ATXN1: variants seen among roughly 807,000 people sequenced by gnomAD.
The protein encoded by ATXN1 is ataxin 1.
Under a neutral mutation model 56.4 loss-of-function variants are expected in ATXN1, and 8 were observed. The ratio of observed to expected loss-of-function variants is 0.14; its 90% CI spans 0.08 to 0.26. The LOEUF is 0.26. ATXN1 is among the 10% of genes least tolerant of loss of function. The pLI, the probability that ATXN1 is intolerant of heterozygous loss-of-function variation, is 1.00. For missense variants in ATXN1, 987 were observed against 1,106.5 expected, an observed-to-expected ratio of 0.89 and a Z score of 1.53; for synonymous variants, 514 against 494.6, an observed-to-expected ratio of 1.04 and a Z score of -0.52.
chr6:16,614,986 A>G (rs1216241711), intron 3 of ATXN1: 1 of 151,228 alleles, frequency 6.6e-6, no homozygotes, highest in Non-Finnish European at 1.5e-5. Context: ...TTCTAGAAAC[A>G]TTAAAATGCT....
intron 2 of ATXN1, among the ~76,000 whole-genome samples, chr6:16,713,684 G>A (rs1759573335): frequency 6.6e-6 from 1 of 152,190 alleles, no homozygotes; most frequent in African/African-American, 2.4e-5. Context: ...CTTAAAGTGT[G>A]GTCCTGGGGC....
intron 3 of ATXN1, among the ~76,000 whole-genome samples, chr6:16,613,793 C>T (rs984576623): frequency 4.6e-5 from 7 of 152,138 alleles, no homozygotes; most frequent in Non-Finnish European, 5.9e-5. Flanking sequence ...TGCACCACTG[C>T]ACTCCAGCCT....
rs535515085 is a variant in ATXN1 at position 16,657,085 on chromosome 6, G to A, written c.-489+691C>T. Among the ~76,000 whole-genome samples the A allele has an allele frequency of 5.8e-5, 5 of 86,062 alleles. No homozygotes were observed. The South Asian group carries it at 1.1e-3, about 18-fold the overall frequency. The allele number at this position is 86,062 out of a possible 152,430, so 56.5% of individuals were successfully genotyped here. A position where few individuals can be genotyped will look rare whatever the true frequency, so the allele number is the denominator to read the frequency against. Reference sequence around the variant, plus strand: ...TGCAAGCTCTGCCTCCCAGGTTCACGCCATTCTGCTGCCTCAGCCTCCCAA... The same window carrying A: ...TGCAAGCTCTGCCTCCCAGGTTCACACCATTCTGCTGCCTCAGCCTCCCAA... On this transcript the variant is annotated intron_variant, in intron 3 of 7. Transcript: ENST00000436367.
intron 6 of ATXN1, among the ~76,000 whole-genome samples, chr6:16,417,779 GA>G (rs1248714318): frequency 1.3e-5 from 2 of 151,832 alleles, no homozygotes; most frequent in African/African-American, 4.8e-5. Context: ...CTCAGCATAC[GA>G]ACACTGTATC....
chr6:16,584,221 G>A (rs1245190353), intron 4 of ATXN1, among the ~76,000 whole-genome samples: 6 of 37,302 alleles, frequency 1.6e-4, no homozygotes, highest in Non-Finnish European at 3.6e-4. Flanking sequence ...CCCGATATTG[G>A]ACATATATAT....
chr6:16,312,317 C>G (rs77385838), intron 7 of ATXN1, among the ~76,000 whole-genome samples: 3,351 of 152,166 alleles, frequency 0.022, 103 homozygotes, highest in African/African-American at 0.074. Context: ...CTCAAAACTC[C>G]AAAGACACCA....
intron 2 of ATXN1, among the ~76,000 whole-genome samples, chr6:16,748,282 A>G (rs1349475000): frequency 6.6e-6 from 1 of 152,166 alleles, no homozygotes; most frequent in African/African-American, 2.4e-5. Flanking sequence ...GCAGGCATCA[A>G]AAGAGAAGGC....
At chr6:16,500,738 TA>T (rs1167731131) in intron 5 of ATXN1, among the ~76,000 whole-genome samples, 5,427 of 84,572 alleles carry the variant, frequency 0.064, 140 homozygotes, top group African/African-American at 0.16. Context: ...TTCATTATGA[TA>T]AAAAAAAAAA....
intron 3 of ATXN1, among the ~76,000 whole-genome samples, chr6:16,596,465 G>A (rs1374501755): frequency 6.6e-6 from 1 of 152,124 alleles, no homozygotes. Context: ...GGAGCCCTTT[G>A]TAATGCTGAT....
At chr6:16,525,478 C>A (rs57349714) in intron 4 of ATXN1, among the ~76,000 whole-genome samples, 48,595 of 151,734 alleles carry the variant, frequency 0.32, 7,811 homozygotes, top group Admixed American at 0.35. Flanking sequence ...ATCAAACCTA[C>A]TGAACTCATG....
intron 6 of ATXN1, among the ~76,000 whole-genome samples, chr6:16,342,120 C>T (rs1019378980): frequency 2.6e-5 from 4 of 151,146 alleles, no homozygotes; most frequent in African/African-American, 7.3e-5. Context: ...CTGACCTGAG[C>T]GATCCACCTA....
At chr6:16,476,185 C>G (rs1760323345) in intron 6 of ATXN1, among the ~76,000 whole-genome samples, 1 of 152,136 alleles carries the variant, frequency 6.6e-6, no homozygotes, top group Non-Finnish European at 1.5e-5. Flanking sequence ...TGATTAACGC[C>G]TACCCCTGTG....
chr6:16,530,459 C>T (rs1581824888), intron 4 of ATXN1, among the ~76,000 whole-genome samples: 1 of 152,310 alleles, frequency 6.6e-6, no homozygotes, highest in East Asian at 1.9e-4. Flanking sequence ...GTTAAGGGTT[C>T]ATTTTCCTTT....
chr6:16,482,470 T>C (rs1760458744), intron 6 of ATXN1, among the ~76,000 whole-genome samples: 1 of 152,140 alleles, frequency 6.6e-6, no homozygotes, highest in Non-Finnish European at 1.5e-5. Context: ...GGATGCTATT[T>C]TATGTAGATC....
chr6:16,326,742 G>A lies in ATXN1; in HGVS notation c.1569C>T (p.Val523=), dbSNP rs770441021. Residue 523 remains valine (V), a synonymous_variant, in exon 7 of 8, where the codon GTC becomes GTT. Transcript: ENST00000436367. The surrounding 1 kb of genome is among the most constrained non-coding windows in gnomAD (Gnocchi z 6.6). Reference sequence around the variant, plus strand: ...TCTCGCTCTTGGGAAGGGCGGTGGTGACGAACGTGTGAGGCACTGCAGCAA... The same window carrying A: ...TCTCGCTCTTGGGAAGGGCGGTGGTAACGAACGTGTGAGGCACTGCAGCAA... The part of the protein sequence containing the change: ...PQFAAVPHTF[V]TTALPKSENF... The A allele has an allele frequency of 1.2e-6, 2 of 1,613,678 alleles. No individual in the cohort carries two copies. The highest frequency in any genetic ancestry group is 1.7e-6 in the Non-Finnish European group (2 of 1,179,978).
intron 6 of ATXN1, among the ~76,000 whole-genome samples, chr6:16,471,148 T>C (rs1760208493): frequency 6.6e-6 from 1 of 151,628 alleles, no homozygotes; most frequent in Admixed American, 6.6e-5. Flanking sequence ...TGCTTTCTCA[T>C]TCCAATAATC....
At chr6:16,501,880 T>G (rs1035578739) in intron 5 of ATXN1, among the ~76,000 whole-genome samples, 1 of 152,186 alleles carries the variant, frequency 6.6e-6, no homozygotes, top group Non-Finnish European at 1.5e-5. Context: ...TGGTTCTAGA[T>G]CCTTGAGGAA....
At chr6:16,630,686 CA>C (rs1352811550) in intron 3 of ATXN1, among the ~76,000 whole-genome samples, 1 of 152,126 alleles carries the variant, frequency 6.6e-6, no homozygotes, top group African/African-American at 2.4e-5. Context: ...AGTAAATGAA[CA>C]CTTTAAAACT....
intron 6 of ATXN1, among the ~76,000 whole-genome samples, chr6:16,329,541 A>G (rs913098885): frequency 1.3e-5 from 2 of 152,196 alleles, no homozygotes; most frequent in African/African-American, 4.8e-5. Context: ...GAATTTGATT[A>G]TGGTTAAAAA....
Sources: allele counts gnomAD v4.1 joint callset (sites outside exome capture counted in the v4.1 genomes callset), GRCh38; gene constraint gnomAD v4.1.1; non-coding constraint Gnocchi (gnomAD v3.1); transcripts MANE v1.5; gene names NCBI Gene and HGNC (gene_info 2026-07-23, HGNC 2026-07-21).